DPP10: variants seen among roughly 807,000 people sequenced by gnomAD.
DPP10 encodes inactive dipeptidyl peptidase 10.
DPP10 carries 33 observed loss-of-function variants against 120.9 expected under a neutral mutation model. The ratio of observed to expected loss-of-function variants is 0.27; its 90% CI spans 0.21 to 0.37. The LOEUF is 0.37. DPP10 is among the 10% of genes least tolerant of loss of function. The probability of loss-of-function intolerance (pLI) is 1.00; values close to 1 mark genes in which losing one functional copy is unlikely to be tolerated. For synonymous variants in DPP10, 337 were observed against 326.1 expected (o/e 1.03, Z -0.36); for missense variants, 816 against 942.8 (o/e 0.87, Z 1.76).
chr2:115,802,656 A>G (rs893839382), intron 19 of DPP10, among the ~76,000 whole-genome samples: 4 of 152,158 alleles, frequency 2.6e-5, no homozygotes, highest in Non-Finnish European at 5.9e-5. Flanking sequence ...GTTTCAAGGA[A>G]CATCTTTATT....
chr2:115,698,661 G>A (rs2091723492), intron 7 of DPP10, among the ~76,000 whole-genome samples: 2 of 152,148 alleles, frequency 1.3e-5, no homozygotes, highest in Admixed American at 1.3e-4. Context: ...GGGCAAAGCT[G>A]CCATCTGTAA....
intron 5 of DPP10, among the ~76,000 whole-genome samples, chr2:115,539,608 GA>G (rs780668272): frequency 2.0e-5 from 3 of 151,700 alleles, no homozygotes; most frequent in Admixed American, 1.3e-4. Flanking sequence ...ATAAACACAG[GA>G]AAAAAGAGAT....
intron 5 of DPP10, among the ~76,000 whole-genome samples, chr2:115,646,802 A>G (rs751089306): frequency 6.6e-6 from 1 of 152,088 alleles, no homozygotes; most frequent in Non-Finnish European, 1.5e-5. Context: ...TCTGAATTGT[A>G]CCACTATTAA....
At chr2:115,127,568 G>C (rs1269992326) in intron 1 of DPP10, among the ~76,000 whole-genome samples, 1 of 152,148 alleles carries the variant, frequency 6.6e-6, no homozygotes, top group Non-Finnish European at 1.5e-5. Flanking sequence ...AGATGGGTAA[G>C]ATTAAAAATG....
intron 1 of DPP10, among the ~76,000 whole-genome samples, chr2:114,645,817 T>C (rs1696076344): frequency 6.6e-6 from 1 of 152,054 alleles, no homozygotes; most frequent in Admixed American, 6.5e-5. Context: ...TGGGAACAAA[T>C]CAAATTATCT....
At chr2:115,363,030 C>T (rs1042290460) in intron 3 of DPP10, among the ~76,000 whole-genome samples, 1 of 152,304 alleles carries the variant, frequency 6.6e-6, no homozygotes, top group South Asian at 2.1e-4. Flanking sequence ...GTTCATGACC[C>T]AAGCCATTAG....
intron 1 of DPP10, among the ~76,000 whole-genome samples, chr2:114,548,351 A>G (rs1275468430): frequency 6.6e-6 from 1 of 152,154 alleles, no homozygotes; most frequent in Non-Finnish European, 1.5e-5. Flanking sequence ...TTCCAGTGAC[A>G]CAGCCTCAAA....
intron 1 of DPP10, among the ~76,000 whole-genome samples, chr2:115,157,377 A>T (rs1003333605): frequency 6.6e-6 from 1 of 152,120 alleles, no homozygotes; most frequent in Non-Finnish European, 1.5e-5. Context: ...CTTCCACCAG[A>T]GATCATAATT....
At chr2:114,802,359 A>G (rs1305470770) in intron 1 of DPP10, among the ~76,000 whole-genome samples, 1 of 152,220 alleles carries the variant, frequency 6.6e-6, no homozygotes, top group Non-Finnish European at 1.5e-5. Context: ...CTGCCCTGTC[A>G]TCTGGTGTAA....
intron 1 of DPP10, among the ~76,000 whole-genome samples, chr2:114,834,396 T>C (rs142958602): frequency 0.076 from 11,194 of 147,274 alleles, 561 homozygotes; most frequent in Non-Finnish European, 0.099. Flanking sequence ...CACCTATGTA[T>C]ATATAAGCCA....
intron 1 of DPP10, among the ~76,000 whole-genome samples, chr2:115,252,926 G>A (rs997432037): frequency 6.6e-5 from 10 of 152,234 alleles, no homozygotes; most frequent in South Asian, 4.1e-4. Context: ...CTTTCTTTTC[G>A]TTTTGACAGT....
At chr2:115,710,656 G>A (rs543428899) in intron 7 of DPP10, among the ~76,000 whole-genome samples, 15 of 152,114 alleles carry the variant, frequency 9.9e-5, no homozygotes, top group African/African-American at 3.4e-4. Flanking sequence ...ACTATAAAAT[G>A]CCTTCAAAAT....
chr2:114,949,234 T>G (rs551227684), intron 1 of DPP10, among the ~76,000 whole-genome samples: 6 of 152,180 alleles, frequency 3.9e-5, no homozygotes, highest in Middle Eastern at 3.4e-3. Context: ...AGTAAGACAC[T>G]TTTAAACCAT....
intron 1 of DPP10, among the ~76,000 whole-genome samples, chr2:114,970,538 T>C (rs528026177): frequency 1.4e-5 from 2 of 140,784 alleles, no homozygotes; most frequent in South Asian, 4.5e-4. Flanking sequence ...GTGGCTAATC[T>C]CCTAATAATT....
chr2:114,820,236 T>C (rs1685977333), intron 1 of DPP10, among the ~76,000 whole-genome samples: 1 of 152,176 alleles, frequency 6.6e-6, no homozygotes, highest in Non-Finnish European at 1.5e-5. Flanking sequence ...AATATTATTA[T>C]CACCATTTTA....
At chr2:114,675,468 C>T (rs1019662883) in intron 1 of DPP10, among the ~76,000 whole-genome samples, 1 of 152,122 alleles carries the variant, frequency 6.6e-6, no homozygotes, top group Non-Finnish European at 1.5e-5. Flanking sequence ...CTAATAAACA[C>T]GTGGGTAAAA....
At chr2:114,644,038 G>A (rs1016102929) in intron 1 of DPP10, among the ~76,000 whole-genome samples, 5 of 148,356 alleles carry the variant, frequency 3.4e-5, no homozygotes, top group South Asian at 2.1e-4. Context: ...AGGTTCCAGC[G>A]ATTCTCCTGC....
chr2:115,405,257 C>G (rs967776595), intron 3 of DPP10, among the ~76,000 whole-genome samples: 4 of 152,144 alleles, frequency 2.6e-5, no homozygotes, highest in Non-Finnish European at 5.9e-5. Flanking sequence ...AAAATCAGCC[C>G]AAAGTAAGCC....
chr2:115,129,674 T>G (rs965644412), intron 1 of DPP10, among the ~76,000 whole-genome samples: 1 of 152,190 alleles, frequency 6.6e-6, no homozygotes, highest in Admixed American at 6.5e-5. Flanking sequence ...GCACTTACAC[T>G]GATTACACCT....
Sources: gnomAD v4.1 joint callset for allele counts (sites outside exome capture counted in the v4.1 genomes callset) on GRCh38, gnomAD v4.1.1 for gene constraint, MANE v1.5 for transcripts, NCBI Gene and HGNC (gene_info 2026-07-23, HGNC 2026-07-21) for gene names.